The following ZCCHC17 variants were observed in gnomAD, a reference collection of about 807,000 sequenced individuals.
The protein encoded by ZCCHC17 is zinc finger CCHC-type containing 17, also known as zinc finger CCHC domain-containing protein 17.
A neutral mutation model predicts 30.6 loss-of-function variants in ZCCHC17; 18 were observed. That is an observed-to-expected ratio of 0.59 (90% CI 0.41 to 0.87). The LOEUF is 0.87. Ranked by LOEUF, ZCCHC17 falls within the 40% of genes least tolerant of loss-of-function variation. The pLI is 0.00. For missense variants in ZCCHC17, 263 were observed against 284.2 expected (o/e 0.93, Z 0.54); for synonymous variants, 88 against 92.4 (o/e 0.95, Z 0.27).
chr1:31,364,235 G>A lies in ZCCHC17; in HGVS notation c.*42G>A. The A allele has an allele frequency of 6.3e-7, 1 of 1,581,076 alleles. No homozygotes were observed. Among genetic ancestry groups the A allele is most frequent in the Non-Finnish European group, 8.6e-7 (1 of 1,166,546 alleles). ...GGGGGTGGTTGAGAGTAAGAAACCA[G>A]GAGCCTTGTGCCTTGAGACTCCTGG... On this transcript the variant is annotated 3_prime_UTR_variant, in exon 8 of 8. Coordinates refer to ENST00000344147, the MANE Select transcript of ZCCHC17 (RefSeq NM_016505.4).
At chr1:31,359,448 C>G (rs1179900134) in intron 7 of ZCCHC17, among the ~76,000 whole-genome samples, 1 of 152,062 alleles carries the variant, frequency 6.6e-6, no homozygotes, top group Admixed American at 6.6e-5. Context: ...ATTGCCTGAA[C>G]CCAGGAGCCA....
chr1:31,319,155 G>A lies in ZCCHC17; in HGVS notation c.113G>A (p.Cys38Tyr). 1 of 1,610,488 alleles carries A rather than the reference G, an allele frequency of 6.2e-7. No individual in the cohort carries two copies. The highest frequency in any genetic ancestry group is 1.3e-5 in the African/African-American group (1 of 74,988). Residue 38 changes from cysteine to tyrosine, a missense_variant, in exon 3 of 8, where the codon TGT (cysteine) becomes TAT (tyrosine). Physicochemically the swap from Cys to Tyr is radical, Grantham distance 194. Transcript: ENST00000344147. ...GGGGCCTTTATCAAAATCCCAGGCT[G>A]TCGGAAGCAAGGTAGGAGTTTATAA... The part of the protein sequence containing the change: ...DYGAFIKIPG[C>Y]RKQGLVHRTH...
At chr1:31,361,154 A>G (rs1272939611) in intron 7 of ZCCHC17, among the ~76,000 whole-genome samples, 2 of 152,066 alleles carry the variant, frequency 1.3e-5, no homozygotes, top group Non-Finnish European at 2.9e-5. Flanking sequence ...TGATTTGCCA[A>G]CTCTCAGCTC....
chr1:31,303,179 G>A (rs1366735960), intron 1 of ZCCHC17, among the ~76,000 whole-genome samples: 1 of 152,104 alleles, frequency 6.6e-6, no homozygotes, highest in Non-Finnish European at 1.5e-5. Context: ...CTACTTGGGA[G>A]GCTGAGGCGG....
At chr1:31,312,505 CT>C (rs11346952) in intron 2 of ZCCHC17, among the ~76,000 whole-genome samples, 149,655 of 152,250 alleles carry the variant, frequency 0.98, 73,603 homozygotes, top group East Asian at 1. Context: ...AGTCCCAGCT[CT>C]TTTTGCTTGC....
chr1:31,355,325 C>T (rs1639606649), intron 7 of ZCCHC17, among the ~76,000 whole-genome samples: 1 of 152,100 alleles, frequency 6.6e-6, no homozygotes. Flanking sequence ...CATTTAGCAT[C>T]GTTGTCTTTT....
chr1:31,318,147 A>G, intron 2 of ZCCHC17: 1 of 1,528,538 alleles, frequency 6.5e-7, no homozygotes, highest in East Asian at 2.5e-5. Flanking sequence ...GGATTGTTTT[A>G]TTTACTCCCC....
At chr1:31,330,585 C>T (rs1048178293) in intron 3 of ZCCHC17, among the ~76,000 whole-genome samples, 1 of 151,986 alleles carries the variant, frequency 6.6e-6, no homozygotes, top group Non-Finnish European at 1.5e-5. Flanking sequence ...TCATCTTTCT[C>T]CTTTTTTTAA....
At chr1:31,337,785 C>T (rs892883755) in intron 4 of ZCCHC17, among the ~76,000 whole-genome samples, 2 of 152,080 alleles carry the variant, frequency 1.3e-5, no homozygotes, top group African/African-American at 4.8e-5. Context: ...GGGCCGACCA[C>T]AGGAGAAATA....
At chr1:31,324,364 T>C (rs914083611) in intron 3 of ZCCHC17, among the ~76,000 whole-genome samples, 1 of 152,200 alleles carries the variant, frequency 6.6e-6, no homozygotes, top group Non-Finnish European at 1.5e-5. Context: ...TAGTGGGGGC[T>C]GTGCGGCCAG....
chr1:31,305,801 A>G (rs10798842), intron 1 of ZCCHC17, among the ~76,000 whole-genome samples: 68,145 of 152,042 alleles, frequency 0.45, 18,787 homozygotes, highest in Non-Finnish European at 0.62. Context: ...AGTAACCGCA[A>G]TAGAACCCTC....
chr1:31,337,162 TTCTTGTGCCCAGG>T lies in ZCCHC17; in HGVS notation c.125-9_128del. 6.2e-7 allele frequency: 1 copy of T among 1,611,378 alleles called. No individual in the cohort carries two copies. The highest frequency in any genetic ancestry group is 8.5e-7 in the Non-Finnish European group (1 of 1,177,758). On this transcript the variant is annotated splice_acceptor_variant and splice_polypyrimidine_tract_variant and coding_sequence_variant and intron_variant, in exon 4 of 8. Coordinates refer to ENST00000344147, the MANE Select transcript of ZCCHC17 (RefSeq NM_016505.4). LOFTEE classifies it high-confidence loss of function. Reference sequence around the variant, plus strand: ...GCCCTCTGCTTTACGTTATTTCTTCTTCTTGTGCCCAGGTCTGGTCCATCGAACTCATATGTCA... The same window carrying T: ...GCCCTCTGCTTTACGTTATTTCTTCTTCTGGTCCATCGAACTCATATGTCA...
At chr1:31,300,987 T>C (rs1240678197) in intron 1 of ZCCHC17, among the ~76,000 whole-genome samples, 3 of 152,072 alleles carry the variant, frequency 2.0e-5, no homozygotes, top group African/African-American at 7.2e-5. Context: ...GTGTGGCCCT[T>C]GGAATGGCCT....
rs919135213 is a variant in ZCCHC17 at position 31,297,251 on chromosome 1, G to A, written c.-56+176G>A. 1.8e-5 allele frequency: 7 copies of A among 398,804 alleles called. No homozygotes were observed. In the East Asian group the frequency reaches 1.8e-4, roughly 10 times the overall value. 24.7% of individuals were successfully genotyped at this position (398,804 alleles called of 1,614,324 possible). The stretch of plus-strand genomic sequence containing the variant: ...CTGGGCTCCCTTTCGGGGCAGGAGC[G>A]GAGCCTTGGGGTCTCTGGCGGCAAG... On this transcript the variant is annotated intron_variant, in intron 1 of 7. Coordinates refer to ENST00000344147, the MANE Select transcript of ZCCHC17 (RefSeq NM_016505.4).
chr1:31,346,596 A>ATATC (rs1639281841), intron 5 of ZCCHC17, 44 bp from the exon 6 acceptor site: 1 of 1,554,394 alleles, frequency 6.4e-7, no homozygotes, highest in Admixed American at 1.8e-5. Context: ...ATCTCTGGCC[A>ATATC]TATCTCTTAA....
chr1:31,348,272 C>A (rs1639347064), intron 6 of ZCCHC17, among the ~76,000 whole-genome samples: 1 of 152,264 alleles, frequency 6.6e-6, no homozygotes, highest in Non-Finnish European at 1.5e-5. Context: ...TCATCTTCTA[C>A]AAATGTAGGA....
chr1:31,321,373 C>G (rs1223433958), intron 3 of ZCCHC17, among the ~76,000 whole-genome samples: 1 of 152,186 alleles, frequency 6.6e-6, no homozygotes, highest in East Asian at 1.9e-4. Flanking sequence ...TTTCTTGAGG[C>G]TTCCCCAGCC....
At chr1:31,319,366 CTG>C (rs1269230259) in intron 3 of ZCCHC17, among the ~76,000 whole-genome samples, 200 bp downstream of exon 3, 1 of 152,102 alleles carries the variant, frequency 6.6e-6, no homozygotes, top group African/African-American at 2.4e-5. Context: ...AGGAGGAAGA[CTG>C]GGGTATAGCT....
chr1:31,351,371 A>G (rs567257126), intron 7 of ZCCHC17, among the ~76,000 whole-genome samples: 46 of 152,022 alleles, frequency 3.0e-4, no homozygotes, highest in African/African-American at 9.6e-4. Context: ...GCTGTGGCCT[A>G]GGGAGTTTTA....
Sources: allele counts gnomAD v4.1 joint callset (sites outside exome capture counted in the v4.1 genomes callset), GRCh38; gene constraint gnomAD v4.1.1; transcripts MANE v1.5; gene names NCBI Gene and HGNC (gene_info 2026-07-23, HGNC 2026-07-21).